MAPT: variants seen among roughly 807,000 people sequenced by gnomAD.
The protein encoded by MAPT is microtubule associated protein tau.
A neutral mutation model predicts 67.9 loss-of-function variants in MAPT; 34 were observed. That is an observed-to-expected ratio of 0.50 (90% CI 0.38 to 0.67). MAPT has a LOEUF of 0.67. Ranked by LOEUF, MAPT falls within the 30% of genes least tolerant of loss-of-function variation. MAPT has a pLI of 0.00. For missense variants in MAPT, 881 were observed against 1,115.2 expected, an observed-to-expected ratio of 0.79 and a Z score of 2.99; for synonymous variants, 456 against 464.5, an observed-to-expected ratio of 0.98 and a Z score of 0.23.
intron 1 of MAPT, among the ~76,000 whole-genome samples, chr17:45,959,833 T>G (rs2070187763): frequency 6.6e-6 from 1 of 152,192 alleles, no homozygotes; most frequent in South Asian, 2.1e-4. Flanking sequence ...AATGCAACTT[T>G]ATTTGTAATA....
rs1371239427 is a variant in MAPT, at chr17:45,915,695, T to G, written c.-18+21009T>G. Among the ~76,000 whole-genome samples, 1 of 150,338 alleles carries G rather than the reference T, an allele frequency of 6.7e-6. No individual in the cohort carries two copies. The highest frequency in any genetic ancestry group is 1.5e-5 in the Non-Finnish European group (1 of 67,574). ...AGGGCTCTCCTGGAGTCAGAGGGGG[T>G]GGGTAGGAGGAGAAGGGAGGTGGGC... is the stretch of plus-strand genomic sequence containing the variant. On this transcript the variant is annotated intron_variant, in intron 1 of 12. Transcript: ENST00000262410. This position sits in a 1 kb window ranked among gnomAD's most constrained non-coding sequence, Gnocchi z 4.4.
At chr17:45,999,632 G>A (rs1424789754) in intron 9 of MAPT, 1 of 1,610,872 alleles carries the variant, frequency 6.2e-7, no homozygotes, top group Admixed American at 1.7e-5. Flanking sequence ...CTGCCCATGA[G>A]GGGTGAGAGT....
In MAPT at chr17:45,962,348, C is replaced by T. The variant is rs1477365646; in HGVS notation, c.11C>T (p.Pro4Leu). 6.2e-7 allele frequency: 1 copy of T among 1,611,838 alleles called. No individual in the cohort carries two copies. Among genetic ancestry groups the T allele is most frequent in the Non-Finnish European group, 8.5e-7 (1 of 1,179,820 alleles). Residue 4 changes from proline (P) to leucine (L), a missense_variant, in exon 2 of 13, where the codon CCC (proline) becomes CTC (leucine). Pro to Leu is a moderately conservative substitution (Grantham distance 98, BLOSUM62 -3). Coordinates refer to ENST00000262410, the MANE Select transcript of MAPT (RefSeq NM_001377265.1). The stretch of plus-strand genomic sequence containing the variant: ...GAACTTTGAACCAGGATGGCTGAGC[C>T]CCGCCAGGAGTTCGAAGTGATGGAA... MAEPRQEFEVMEDH... is the reference protein window; with the variant it reads MAELRQEFEVMEDH...
At chr17:45,898,864 G>GA (rs2063441347) in intron 1 of MAPT, 1 of 152,168 alleles carries the variant, frequency 6.6e-6, no homozygotes, top group African/African-American at 2.4e-5. Context: ...AATACAGTGG[G>GA]AAGCAGGTGG....
At chr17:45,925,074 C>T (rs1462149576) in intron 1 of MAPT, among the ~76,000 whole-genome samples, 35 of 152,224 alleles carry the variant, frequency 2.3e-4, no homozygotes, top group Admixed American at 2.3e-3. Flanking sequence ...CCACTGTCCC[C>T]TTTTATCCCA....
chr17:46,024,139 G>T lies in MAPT; in HGVS notation c.2470G>T (p.Val824Leu), dbSNP rs1050343688. ...CCAGCTCGCCACGCTAGCTGACGAG[G>T]TGTCTGCCTCCCTGGCCAAGCAGGG... ...SPQLATLADE[V>L]SASLAKQGL The change falls in exon 13 of 13, where the codon GTG becomes TTG. Residue 824 changes from valine (V) to leucine (L), a missense_variant. By Grantham distance (32) the Val-to-Leu change is conservative. This residue lies in a region of MAPT where 79 missense variants were observed against 150.9 expected (regional missense o/e 0.52). Transcript: ENST00000262410. 1 of 1,614,152 alleles carries T rather than the reference G, an allele frequency of 6.2e-7. No homozygotes were observed. The highest frequency in any genetic ancestry group is 8.5e-7 in the Non-Finnish European group (1 of 1,180,028).
At chr17:45,964,431 GCA>G (rs1321374517) in intron 2 of MAPT, among the ~76,000 whole-genome samples, 1 of 142,840 alleles carries the variant, frequency 7.0e-6, no homozygotes, top group Admixed American at 7.5e-5. Context: ...TGTAATCCCA[GCA>G]CTTTGGGAGG....
Position 45,983,324 on chromosome 17 carries a change from G to A in MAPT, c.745G>A (p.Gly249Arg), listed in dbSNP as rs1432673926. The A allele has an allele frequency of 6.2e-7, 1 of 1,602,060 alleles. No individual in the cohort carries two copies. Among genetic ancestry groups the A allele is most frequent in the Non-Finnish European group, 8.5e-7 (1 of 1,174,896 alleles). The change falls in exon 5 of 13, where the codon GGA becomes AGA. Residue 249 changes from glycine to arginine, a missense_variant. This residue lies in a region of MAPT where 687 missense variants were observed against 766.1 expected (regional missense o/e 0.90). Coordinates refer to ENST00000262410, the MANE Select transcript of MAPT (RefSeq NM_001377265.1). ...GGCCACACGCCAACCTTCGGGGACA[G>A]GACCTGAGGACACAGAGGGCGGCCG... ...REATRQPSGT[G>R]PEDTEGGRHA... is the part of the protein sequence containing the mutation.
chr17:45,933,871 AC>A (rs2067092658), intron 1 of MAPT, among the ~76,000 whole-genome samples: 1 of 123,236 alleles, frequency 8.1e-6, no homozygotes, highest in African/African-American at 3.3e-5. Flanking sequence ...TGTTACATTT[AC>A]TTTTAAAAAA....
At chr17:45,919,913 AAAAC>A (rs901129137) in intron 1 of MAPT, among the ~76,000 whole-genome samples, 28 of 152,276 alleles carry the variant, frequency 1.8e-4, no homozygotes, top group South Asian at 6.2e-4. Flanking sequence ...ATCCTGTCTC[AAAAC>A]AAACAAACAA....
At chr17:45,930,082 A>G (rs1394819007) in intron 1 of MAPT, among the ~76,000 whole-genome samples, 2 of 152,182 alleles carry the variant, frequency 1.3e-5, no homozygotes, top group East Asian at 3.8e-4. Flanking sequence ...CTCTGTCCCT[A>G]TAGAATATTT....
intron 3 of MAPT, chr17:45,974,297 C>T: frequency 2.1e-6 from 2 of 931,418 alleles, no homozygotes; most frequent in Admixed American, 2.0e-5. Flanking sequence ...ACTCCTCCTC[C>T]CTGCATTGCT....
chr17:45,931,200 A>G (rs2144686140), intron 1 of MAPT, among the ~76,000 whole-genome samples: 1 of 152,346 alleles, frequency 6.6e-6, no homozygotes, highest in South Asian at 2.1e-4. Context: ...GTTATGGAAC[A>G]GTGGTGTAGC....
At position 45,897,083 on chromosome 17, in the gene MAPT, G is replaced by T. The variant is rs1310715826; in HGVS notation, c.-18+2397G>T. The T allele has an allele frequency of 6.6e-6, 1 of 152,342 alleles. No homozygotes were observed. The highest frequency in any genetic ancestry group is 1.5e-5 in the Non-Finnish European group (1 of 68,124). 9.4% of individuals were successfully genotyped at this position (152,342 alleles called of 1,614,324 possible). Reference sequence around the variant, plus strand: ...GAGGGCTGGAGCCTGGGTACTGCGAGGCTCCTCGCATGGCTGGGCCCGCCG... The same window carrying T: ...GAGGGCTGGAGCCTGGGTACTGCGATGCTCCTCGCATGGCTGGGCCCGCCG... On this transcript the variant is annotated intron_variant, in intron 1 of 12. Transcript: ENST00000262410. This position sits in a 1 kb window ranked among gnomAD's most constrained non-coding sequence, Gnocchi z 5.0.
chr17:45,968,796 A>G (rs1319864633), intron 2 of MAPT, among the ~76,000 whole-genome samples: 2 of 152,262 alleles, frequency 1.3e-5, no homozygotes, highest in Non-Finnish European at 2.9e-5. Context: ...CCAAGGTGAC[A>G]TGATAATGAC....
intron 1 of MAPT, among the ~76,000 whole-genome samples, chr17:45,913,016 G>T (rs2064909645): frequency 6.6e-6 from 1 of 152,242 alleles, no homozygotes; most frequent in Non-Finnish European, 1.5e-5. Context: ...CAAAACAGAA[G>T]CTATGTGTAA....
chr17:45,998,570 C>T (rs974200351), intron 9 of MAPT, among the ~76,000 whole-genome samples: 6 of 152,144 alleles, frequency 3.9e-5, no homozygotes, highest in South Asian at 2.1e-4. Context: ...GCAAACGATC[C>T]GGGTTAAATT....
At chr17:45,986,906 A>G in intron 5 of MAPT, 134 bp from the exon 6 acceptor site, 1 of 731,148 alleles carries the variant, frequency 1.4e-6, no homozygotes, top group Non-Finnish European at 2.4e-6. Flanking sequence ...GGAAAAGAGA[A>G]CCAACTGGGT....
intron 1 of MAPT, among the ~76,000 whole-genome samples, chr17:45,929,423 A>C (rs1419384649): frequency 6.6e-6 from 1 of 152,230 alleles, no homozygotes. Context: ...TATATAATAT[A>C]ATTGATTGGT....
Sources: allele counts gnomAD v4.1 joint callset (sites outside exome capture counted in the v4.1 genomes callset), GRCh38; gene constraint gnomAD v4.1.1; regional missense constraint gnomAD v4.1.1; non-coding constraint Gnocchi (gnomAD v3.1); transcripts MANE v1.5; gene names NCBI Gene and HGNC (gene_info 2026-07-23, HGNC 2026-07-21).